Variants in APOL6 observed in about 807,000 individuals in gnomAD.
The protein encoded by APOL6 is apolipoprotein L6, also known as apolipoprotein L, 6.
In APOL6, 1 loss-of-function variant was observed where a neutral mutation model predicts 2.4. That is an observed-to-expected ratio of 0.41 (90% CI 0.15 to 1.94). The LOEUF (loss-of-function observed/expected upper bound fraction) is 1.94, where lower values mean the gene tolerates loss of function less well. Ranked by LOEUF, APOL6 falls within the 30% of genes most tolerant of loss-of-function variation. The pLI is 0.30. For missense variants in APOL6, 438 were observed against 429.2 expected, an observed-to-expected ratio of 1.02 and a Z score of -0.18; for synonymous variants, 189 against 169.3, an observed-to-expected ratio of 1.12 and a Z score of -0.90.
At chr22:35,651,261 C>T (rs1012938318) in intron 1 of APOL6, among the ~76,000 whole-genome samples, 4 of 152,114 alleles carry the variant, frequency 2.6e-5, no homozygotes, top group African/African-American at 7.2e-5. Context: ...GCCAGTAGGG[C>T]GCACTTCTGC....
intron 1 of APOL6, among the ~76,000 whole-genome samples, chr22:35,655,525 C>G (rs747156665): frequency 6.6e-6 from 1 of 151,976 alleles, no homozygotes; most frequent in Non-Finnish European, 1.5e-5. Context: ...TGAAATTATT[C>G]CATGTTGTTT....
chr22:35,656,530 A>T (rs1924850112), intron 2 of APOL6, 55 bp downstream of exon 2: 1 of 1,596,128 alleles, frequency 6.3e-7, no homozygotes, highest in Non-Finnish European at 8.6e-7. Context: ...GAAATGCTGC[A>T]GGCATCCTCA....
chr22:35,666,999 A>G lies in APOL6; in HGVS notation c.*7403A>G, dbSNP rs549701070. ...ATAAGTGCAATAAGAATCTGTTCTA[A>G]TTTGTAACAGGACACGATTGGAGAA... On this transcript the variant is annotated 3_prime_UTR_variant, in exon 3 of 3. Coordinates refer to ENST00000409652, the MANE Select transcript of APOL6 (RefSeq NM_030641.4). 1 of 152,328 alleles carries G rather than the reference A, an allele frequency of 6.6e-6. No individual in the cohort carries two copies. Among genetic ancestry groups the G allele is most frequent in the East Asian group, 1.9e-4 (1 of 5,186 alleles). The allele number at this position is 152,328 out of a possible 1,614,324, so 9.4% of individuals were successfully genotyped here.
At chr22:35,651,644 G>A (rs866192656) in intron 1 of APOL6, among the ~76,000 whole-genome samples, 38 of 151,912 alleles carry the variant, frequency 2.5e-4, no homozygotes, top group Admixed American at 1.6e-3. Context: ...GAGAACATGC[G>A]GTGTTTGGTT....
In APOL6 at chr22:35,656,488, G is replaced by T. The variant is rs576795263; in HGVS notation, c.50+13G>T. On this transcript the variant is annotated intron_variant, in intron 2 of 2. Coordinates refer to ENST00000409652, the MANE Select transcript of APOL6 (RefSeq NM_030641.4). ...TTGGTTTGCAAAGGTAATCCAAAGG[G>T]TGTAGTCCCCAGGGAGAGGGCTGAT... The T allele has an allele frequency of 6.2e-7, 1 of 1,614,052 alleles. No individual in the cohort carries two copies. The highest frequency in any genetic ancestry group is 1.3e-5 in the African/African-American group (1 of 75,044).
chr22:35,658,202 T>C (rs1924899174), intron 2 of APOL6, among the ~76,000 whole-genome samples: 1 of 152,098 alleles, frequency 6.6e-6, no homozygotes, highest in South Asian at 2.1e-4. Context: ...CCACCTTGTC[T>C]TCTCTTTCTC....
Position 35,668,060 on chromosome 22 carries a change from G to C in APOL6, c.*8464G>C, listed in dbSNP as rs558543591. ...GCATTTACAATCTATTCTCTCTGAA[G>C]TCTTCTACCTGGAGGCTTCATCTGC... On this transcript the variant is annotated 3_prime_UTR_variant, in exon 3 of 3. Transcript: ENST00000409652. 6.6e-6 allele frequency: 1 copy of C among 152,284 alleles called. No homozygotes were observed. The highest frequency in any genetic ancestry group is 6.5e-5 in the Admixed American group (1 of 15,300). 9.4% of individuals were successfully genotyped at this position (152,284 alleles called of 1,614,324 possible). A position where few individuals can be genotyped will look rare whatever the true frequency, so the allele number is the denominator to read the frequency against.
chr22:35,659,397 TGGAGA>T lies in APOL6; in HGVS notation c.837_841del (p.Arg280ThrfsTer106). Reference sequence around the variant, plus strand: ...GAGTTGAGAGCCAAGGCCTTGGAGCTGGAGAGGAAACTCACAGAACTCACCCAGCT... The same window carrying T: ...GAGTTGAGAGCCAAGGCCTTGGAGCTGGAAACTCACAGAACTCACCCAGCT... On this transcript the variant is annotated frameshift_variant, in exon 3 of 3. Transcript: ENST00000409652. LOFTEE classifies it low-confidence loss of function (END_TRUNC). The T allele has an allele frequency of 1.2e-6, 2 of 1,613,614 alleles. No homozygotes were observed. The highest frequency in any genetic ancestry group is 1.7e-6 in the Non-Finnish European group (2 of 1,179,972).
At chr22:35,653,072 T>C (rs904492168) in intron 1 of APOL6, among the ~76,000 whole-genome samples, 2 of 151,602 alleles carry the variant, frequency 1.3e-5, no homozygotes, top group African/African-American at 2.4e-5. Flanking sequence ...TTTTGTTTCA[T>C]TGAGCAGTGG....
intron 1 of APOL6, 112 bp from the exon 2 acceptor site, chr22:35,656,267 A>G: frequency 1.3e-6 from 1 of 772,784 alleles, no homozygotes; most frequent in African/African-American, 1.7e-5. Context: ...AATATTTAGT[A>G]TGCTATGTGG....
At position 35,661,425 on chromosome 22, in the gene APOL6, T is replaced by G. The variant is rs192427714; in HGVS notation, c.*1829T>G. 6.6e-6 allele frequency: 1 copy of G among 151,620 alleles called. No individual in the cohort carries two copies. Among genetic ancestry groups the G allele is most frequent in the East Asian group, 1.9e-4 (1 of 5,160 alleles). The allele number at this position is 151,620 out of a possible 1,614,324, so 9.4% of individuals were successfully genotyped here. Reference sequence around the variant, plus strand: ...GTATCTCTTGGTGACAGGGACGCATTCTGATAAATGTGTCATTAGGCAATT... The same window carrying G: ...GTATCTCTTGGTGACAGGGACGCATGCTGATAAATGTGTCATTAGGCAATT... On this transcript the variant is annotated 3_prime_UTR_variant, in exon 3 of 3. Transcript: ENST00000409652.
Position 35,659,621 on chromosome 22 carries a change from AT to A in APOL6, c.*26del. On this transcript the variant is annotated 3_prime_UTR_variant, in exon 3 of 3. Transcript: ENST00000409652. Reference sequence around the variant, plus strand: ...AATGTTCCTCAGGACATGGCATACAATGGCCTTGGAGGTCCAAATAATATCA... The same window carrying A: ...AATGTTCCTCAGGACATGGCATACAAGGCCTTGGAGGTCCAAATAATATCA... 1 of 1,558,544 alleles carries A rather than the reference AT, an allele frequency of 6.4e-7. No homozygotes were observed. The highest frequency in any genetic ancestry group is 8.7e-7 in the Non-Finnish European group (1 of 1,150,722).
Position 35,667,890 on chromosome 22 carries a change from A to T in APOL6, c.*8294A>T, listed in dbSNP as rs888776721. 1 of 152,192 alleles carries T rather than the reference A, an allele frequency of 6.6e-6. No individual in the cohort carries two copies. The allele number at this position is 152,192 out of a possible 1,614,324, so 9.4% of individuals were successfully genotyped here. A position where few individuals can be genotyped will look rare whatever the true frequency, so the allele number is the denominator to read the frequency against. ...ACAAAATTCTGAGGCCCCCTCAACC[A>T]TCTAAATGGACTTCCTTCTGGGCCA... On this transcript the variant is annotated 3_prime_UTR_variant, in exon 3 of 3. Coordinates refer to ENST00000409652, the MANE Select transcript of APOL6 (RefSeq NM_030641.4).
In APOL6 at chr22:35,653,593, T is replaced by C. The variant is rs118117065; in HGVS notation, c.-47-2786T>C. On this transcript the variant is annotated intron_variant, in intron 1 of 2. Coordinates refer to ENST00000409652, the MANE Select transcript of APOL6 (RefSeq NM_030641.4). Reference sequence around the variant, plus strand: ...TGGCAAGGACCTTCTTGCTGTGTTATCCCATGACAGAAGGCAGAAGGCAGA... The same window carrying C: ...TGGCAAGGACCTTCTTGCTGTGTTACCCCATGACAGAAGGCAGAAGGCAGA... Among the ~76,000 whole-genome samples the C allele has an allele frequency of 6.5e-3, 987 of 152,260 alleles. 9 individuals carry two copies. The highest frequency in any genetic ancestry group is 0.035 in the South Asian group (170 of 4,822).
chr22:35,656,354 G>A (rs763615209), intron 1 of APOL6, 25 bp from the exon 2 acceptor site: 102 of 1,569,924 alleles, frequency 6.5e-5, no homozygotes, highest in Admixed American at 8.3e-5. Context: ...GTGCAGTAAC[G>A]TTGTTTTTCT....
rs761658089 is a variant in APOL6, at chr22:35,667,424, T to A, written c.*7828T>A. The stretch of plus-strand genomic sequence containing the variant: ...GGGCAAGTGTTCTGAAAACATCTTA[T>A]CTGAATAACAGCAGTCCTGGAGAAC... On this transcript the variant is annotated 3_prime_UTR_variant, in exon 3 of 3. Coordinates refer to ENST00000409652, the MANE Select transcript of APOL6 (RefSeq NM_030641.4). The A allele has an allele frequency of 5.3e-5, 8 of 152,194 alleles. No homozygotes were observed. The highest frequency in any genetic ancestry group is 2.0e-4 in the Admixed American group (3 of 15,278). 9.4% of individuals were successfully genotyped at this position (152,194 alleles called of 1,614,324 possible).
rs5755849 is a variant in APOL6, at chr22:35,668,117, C to T, written c.*8521C>T. 16,049 of 152,262 alleles carry T rather than the reference C, an allele frequency of 0.11. 1,089 individuals carry two copies. The highest frequency in any genetic ancestry group is 0.19 in the East Asian group (1,002 of 5,174). 9.4% of individuals were successfully genotyped at this position (152,262 alleles called of 1,614,324 possible). On this transcript the variant is annotated 3_prime_UTR_variant, in exon 3 of 3. Transcript: ENST00000409652. ...AAACTTTGGTCTCCACAACCTCTTA[C>T]AACCCAGGCATTCCTTTCTATCGAT...
chr22:35,655,080 C>T (rs1159513478), intron 1 of APOL6, among the ~76,000 whole-genome samples: 1 of 152,068 alleles, frequency 6.6e-6, no homozygotes, highest in Non-Finnish European at 1.5e-5. Flanking sequence ...CTTTTTTCTT[C>T]ATCTTGTCCC....
intron 2 of APOL6, among the ~76,000 whole-genome samples, chr22:35,657,983 T>C (rs769213316): frequency 5.3e-5 from 8 of 152,120 alleles, no homozygotes; most frequent in South Asian, 2.1e-4. Flanking sequence ...GCTTGAAGGG[T>C]CAAGTAAAGC....
Sources: gnomAD v4.1 joint callset for allele counts (sites outside exome capture counted in the v4.1 genomes callset) on GRCh38, gnomAD v4.1.1 for gene constraint, MANE v1.5 for transcripts, NCBI Gene and HGNC (gene_info 2026-07-23, HGNC 2026-07-21) for gene names.